VAC14: variants seen among roughly 807,000 people sequenced by gnomAD.
VAC14 encodes the protein protein VAC14 homolog.
Under a neutral mutation model 85.3 loss-of-function variants are expected in VAC14, and 47 were observed. The ratio of observed to expected loss-of-function variants is 0.55; its 90% CI spans 0.44 to 0.70. The LOEUF (loss-of-function observed/expected upper bound fraction) is 0.70. Ranked by LOEUF, VAC14 falls within the 30% of genes least tolerant of loss-of-function variation. The pLI, the probability that VAC14 is intolerant of heterozygous loss-of-function variation, is 0.00. For synonymous variants in VAC14, 447 were observed against 430.5 expected (o/e 1.04, Z -0.47); for missense variants, 861 against 1,004.3 (o/e 0.86, Z 1.93).
At chr16:70,709,809 CCAAGGCT>C (rs1451849021) in intron 14 of VAC14, among the ~76,000 whole-genome samples, 1 of 152,142 alleles carries the variant, frequency 6.6e-6, no homozygotes, top group Admixed American at 6.5e-5. Context: ...GGAGACATGG[CCAAGGCT>C]GGTGCTCTGA....
intron 14 of VAC14, chr16:70,715,874 G>C (rs1199030071): frequency 6.6e-6 from 1 of 152,224 alleles, no homozygotes; most frequent in Non-Finnish European, 1.5e-5. Context: ...AAGGGAAAAA[G>C]AAAATCCCAA....
chr16:70,692,478 C>T (rs896648171), intron 18 of VAC14, among the ~76,000 whole-genome samples: 2 of 152,136 alleles, frequency 1.3e-5, no homozygotes, highest in East Asian at 1.9e-4. Context: ...TCCCCCTGCC[C>T]GGTGTTTCTC....
At chr16:70,705,064 C>G (rs1039877280) in intron 14 of VAC14, among the ~76,000 whole-genome samples, 2 of 152,206 alleles carry the variant, frequency 1.3e-5, no homozygotes, top group African/African-American at 4.8e-5. Flanking sequence ...ATACTTGTGC[C>G]GGCTCCCTTT....
At chr16:70,722,414 G>A (rs1431064954) in intron 14 of VAC14, among the ~76,000 whole-genome samples, 1 of 152,250 alleles carries the variant, frequency 6.6e-6, no homozygotes, top group Non-Finnish European at 1.5e-5. Flanking sequence ...CCTGGTCTGG[G>A]CGGCCTTTCA....
chr16:70,729,410 G>A (rs2054523008), intron 14 of VAC14, among the ~76,000 whole-genome samples: 1 of 152,142 alleles, frequency 6.6e-6, no homozygotes, highest in Non-Finnish European at 1.5e-5. Flanking sequence ...AGGCAGGCCT[G>A]TCCTCTCCCA....
intron 1 of VAC14, among the ~76,000 whole-genome samples, chr16:70,789,984 A>G (rs1598020186): frequency 6.6e-6 from 1 of 152,216 alleles, no homozygotes; most frequent in East Asian, 1.9e-4. Context: ...TCCTTGTTTC[A>G]GGTCACAAAC....
Position 70,688,129 on chromosome 16 carries a change from A to C in VAC14, c.2187-39T>G. On this transcript the variant is annotated intron_variant, in intron 18 of 18. Coordinates refer to ENST00000261776, the MANE Select transcript of VAC14 (RefSeq NM_018052.5). The stretch of plus-strand genomic sequence containing the variant: ...GCAGAAATGCTCAGTGTCAGGGATC[A>C]GCTCACAGGGGGGTTACTGCTGGAG... 2.7e-6 allele frequency: 4 copies of C among 1,492,628 alleles called. No individual in the cohort carries two copies. In the South Asian group the frequency reaches 5.4e-5, roughly 20 times the overall value. 92.5% of individuals were successfully genotyped at this position (1,492,628 alleles called of 1,614,324 possible).
rs527403010 is a variant in VAC14, at chr16:70,697,807, G to A, written c.1837-550C>T. 3.3e-5 allele frequency among the ~76,000 whole-genome samples: 5 copies of A among 152,362 alleles called. No homozygotes were observed. In the East Asian group the frequency reaches 9.6e-4, roughly 29 times the overall value. ...GGAACCACAGGAGGGAGGCAGGGCT[G>A]TGGCCTGGATCGTGCAGAGCCACTT... On this transcript the variant is annotated intron_variant, in intron 15 of 18. Transcript: ENST00000261776.
At chr16:70,783,657 C>T (rs2033918962) in intron 5 of VAC14, 103 bp from the exon 6 acceptor site, 2 of 1,132,030 alleles carry the variant, frequency 1.8e-6, no homozygotes, top group Non-Finnish European at 2.6e-6. Flanking sequence ...CCTGCTGAGA[C>T]AGCATTTCCC....
intron 17 of VAC14, among the ~76,000 whole-genome samples, chr16:70,694,273 G>A (rs2053661440): frequency 6.6e-6 from 1 of 152,232 alleles, no homozygotes; most frequent in Non-Finnish European, 1.5e-5. Flanking sequence ...CTGGAGAGAT[G>A]AGTCAGGACA....
chr16:70,727,290 A>G (rs1270476792), intron 14 of VAC14, among the ~76,000 whole-genome samples: 1 of 152,224 alleles, frequency 6.6e-6, no homozygotes, highest in African/African-American at 2.4e-5. Flanking sequence ...CTGTGGCTTC[A>G]TGCCAGCATC....
chr16:70,700,576 G>C (rs2053806091), intron 14 of VAC14, among the ~76,000 whole-genome samples: 1 of 152,200 alleles, frequency 6.6e-6, no homozygotes, highest in African/African-American at 2.4e-5. Context: ...CTAGTGTGTG[G>C]AACTAGCCAT....
chr16:70,719,743 A>T (rs1242035950), intron 14 of VAC14, among the ~76,000 whole-genome samples: 1 of 152,192 alleles, frequency 6.6e-6, no homozygotes, highest in African/African-American at 2.4e-5. Context: ...GAGGACGTGG[A>T]GCAACTGGAA....
At chr16:70,694,003 C>A (rs998847880) in intron 17 of VAC14, among the ~76,000 whole-genome samples, 2 of 152,234 alleles carry the variant, frequency 1.3e-5, no homozygotes, top group African/African-American at 4.8e-5. Context: ...GGCTGCCCAG[C>A]AGAAGCGCGA....
chr16:70,716,922 C>T (rs778960430), intron 14 of VAC14: 1 of 152,288 alleles, frequency 6.6e-6, no homozygotes, highest in Non-Finnish European at 1.5e-5. Flanking sequence ...CACCCTCCCA[C>T]TTTCCTGCAG....
intron 17 of VAC14, among the ~76,000 whole-genome samples, chr16:70,694,647 T>G (rs1329009668): frequency 6.6e-6 from 1 of 152,270 alleles, no homozygotes; most frequent in African/African-American, 2.4e-5. Context: ...GCAGGGAAGG[T>G]GGCCACCAGC....
chr16:70,785,409 C>A (rs372214006), intron 3 of VAC14, among the ~76,000 whole-genome samples: 6 of 152,254 alleles, frequency 3.9e-5, no homozygotes, highest in South Asian at 2.1e-4. Flanking sequence ...TCAGCATCAT[C>A]CCCTTCTACC....
At chr16:70,750,420 G>A (rs949693881) in intron 12 of VAC14, among the ~76,000 whole-genome samples, 1 of 152,120 alleles carries the variant, frequency 6.6e-6, no homozygotes, top group African/African-American at 2.4e-5. Context: ...GCAGGAGCAG[G>A]AGCGCCTGCC....
intron 14 of VAC14, among the ~76,000 whole-genome samples, chr16:70,707,801 CTTT>C (rs772971983): frequency 2.1e-5 from 3 of 144,332 alleles, no homozygotes; most frequent in African/African-American, 2.5e-5. Flanking sequence ...GGCCTTTTTT[CTTT>C]TTTTTTTTTT....
Sources: allele counts gnomAD v4.1 joint callset (sites outside exome capture counted in the v4.1 genomes callset), GRCh38; gene constraint gnomAD v4.1.1; transcripts MANE v1.5; gene names NCBI Gene and HGNC (gene_info 2026-07-23, HGNC 2026-07-21).